Variants in POU1F1 observed in about 807,000 individuals in gnomAD.
POU1F1 encodes the protein POU class 1 homeobox 1, also known as pituitary-specific positive transcription factor 1.
Under a neutral mutation model 32.3 loss-of-function variants are expected in POU1F1, and 23 were observed. The observed-to-expected ratio is 0.71, with a 90% CI of 0.51 to 1.01. POU1F1 has a LOEUF of 1.01. POU1F1 is among the 50% of genes least tolerant of loss of function. POU1F1 has a pLI of 0.00. For synonymous variants in POU1F1, 120 were observed against 115.6 expected (o/e 1.04, Z -0.25); for missense variants, 323 against 341.6 (o/e 0.95, Z 0.43).
chr3:87,264,025 A>G (rs1706564547), intron 3 of POU1F1, among the ~76,000 whole-genome samples: 1 of 152,026 alleles, frequency 6.6e-6, no homozygotes, highest in Non-Finnish European at 1.5e-5. Flanking sequence ...CAAATAAAAT[A>G]TAGATAAAAA....
chr3:87,269,766 T>G (rs1218956706), intron 2 of POU1F1, among the ~76,000 whole-genome samples: 1 of 152,046 alleles, frequency 6.6e-6, no homozygotes, highest in Non-Finnish European at 1.5e-5. Flanking sequence ...AGTTTGGGAC[T>G]TAAACAAGTT....
intron 2 of POU1F1, among the ~76,000 whole-genome samples, chr3:87,265,634 A>G (rs1706605078): frequency 6.6e-6 from 1 of 152,080 alleles, no homozygotes. Context: ...TGAATTAAAT[A>G]CACTTAAAAA....
chr3:87,260,178 AG>A (rs1706483421), intron 5 of POU1F1, 74 bp from the exon 6 acceptor site: 1 of 1,180,130 alleles, frequency 8.5e-7, no homozygotes, highest in African/African-American at 1.5e-5. Flanking sequence ...AAATTAAGGT[AG>A]GTTGAATTTC....
rs1282855883 is a variant in POU1F1, at chr3:87,261,262, A to G, written c.665+11T>C. 6 of 1,549,312 alleles carry G rather than the reference A, an allele frequency of 3.9e-6. No individual in the cohort carries two copies. The highest frequency in any genetic ancestry group is 4.4e-6 in the Non-Finnish European group (5 of 1,131,648). On this transcript the variant is annotated intron_variant, in intron 5 of 5. Transcript: ENST00000350375. ...GTTTTGTCCTCTAGTAACTTTTAAT[A>G]TAAAGAATACCTTATAGTTGTTCTT...
Position 87,276,289 on chromosome 3 carries a change from GGTCATATGTAAACT to G in POU1F1, c.142+18_142+31del. On this transcript the variant is annotated intron_variant, in intron 1 of 5. Coordinates refer to ENST00000350375, the MANE Select transcript of POU1F1 (RefSeq NM_000306.4). ...CATTCATTCTGAAATATTTAGGCCC[GGTCATATGTAAACT>G]GTCATAGGAGTCAGTACCTGTAGAC... is the stretch of plus-strand genomic sequence containing the variant. 1 of 1,607,656 alleles carries G rather than the reference GGTCATATGTAAACT, an allele frequency of 6.2e-7. No homozygotes were observed. The highest frequency in any genetic ancestry group is 1.1e-5 in the South Asian group (1 of 90,964).
At chr3:87,264,193 T>A in intron 3 of POU1F1, 95 bp downstream of exon 3, 1 of 979,586 alleles carries the variant, frequency 1.0e-6, no homozygotes, top group South Asian at 1.3e-5. Flanking sequence ...AGAATGAGAA[T>A]CATCTTGTAC....
intron 1 of POU1F1, 24 bp from the exon 2 acceptor site, chr3:87,273,442 G>A (rs371295598): frequency 1.7e-5 from 27 of 1,611,496 alleles, no homozygotes; most frequent in Non-Finnish European, 2.2e-5. Context: ...CGTTGTCACC[G>A]AGAAATGTGT....
At chr3:87,273,576 A>C in intron 1 of POU1F1, 158 bp from the exon 2 acceptor site, 1 of 1,352,714 alleles carries the variant, frequency 7.4e-7, no homozygotes, top group Non-Finnish European at 1.0e-6. Context: ...TTAAAGTTAC[A>C]TGCCAATATG....
chr3:87,262,637 C>A (rs72563136), intron 3 of POU1F1, among the ~76,000 whole-genome samples: 1 of 151,750 alleles, frequency 6.6e-6, no homozygotes, highest in Non-Finnish European at 1.5e-5. Context: ...ATAAAATATA[C>A]GGTTATATAT....
intron 2 of POU1F1, among the ~76,000 whole-genome samples, chr3:87,272,092 A>G (rs1160366127): frequency 1.4e-5 from 2 of 147,498 alleles, no homozygotes; most frequent in African/African-American, 5.0e-5. Flanking sequence ...TTTTTTTTTT[A>G]CTGCTTATCT....
intron 1 of POU1F1, among the ~76,000 whole-genome samples, chr3:87,274,538 C>G (rs1003442355): frequency 1.3e-5 from 2 of 151,488 alleles, no homozygotes; most frequent in Admixed American, 1.3e-4. Context: ...AGAGAAAAAT[C>G]TTTAATTTTT....
In POU1F1 at chr3:87,260,090, T is replaced by C. The variant is rs1252479158; in HGVS notation, c.680A>G (p.Asp227Gly). ...RRTTISIAAKDALERHFGEQN... is the reference protein window; with the variant it reads ...RRTTISIAAKGALERHFGEQN... ...TTCTCCAAAGTGTCTCTCCAGAGCA[T>C]CTTTAGCAGCAATGCTGGCGGGGGG... The change falls in exon 6 of 6, where the codon GAT becomes GGT. Residue 227 changes from aspartate to glycine, a missense_variant. Physicochemically the swap from Asp to Gly is moderately conservative, Grantham distance 94 (BLOSUM62 -1). Transcript: ENST00000350375. 1 of 1,613,790 alleles carries C rather than the reference T, an allele frequency of 6.2e-7. No homozygotes were observed. The highest frequency in any genetic ancestry group is 1.3e-5 in the African/African-American group (1 of 75,010).
At chr3:87,273,836 CTT>C (rs1381996347) in intron 1 of POU1F1, among the ~76,000 whole-genome samples, 1 of 152,058 alleles carries the variant, frequency 6.6e-6, no homozygotes, top group African/African-American at 2.4e-5. Context: ...AAGAATAGTC[CTT>C]TAAAATTCTT....
At chr3:87,275,009 A>T (rs1706799827) in intron 1 of POU1F1, among the ~76,000 whole-genome samples, 1 of 151,946 alleles carries the variant, frequency 6.6e-6, no homozygotes, top group East Asian at 1.9e-4. Flanking sequence ...ATGCTGGCCA[A>T]ATTATCTTCA....
chr3:87,260,138 G>C, intron 5 of POU1F1, 34 bp from the exon 6 acceptor site: 1 of 1,570,958 alleles, frequency 6.4e-7, no homozygotes, highest in African/African-American at 1.4e-5. Flanking sequence ...GTGAAATTTT[G>C]TTGTTTTTAG....
At chr3:87,268,392 C>A (rs1706666752) in intron 2 of POU1F1, among the ~76,000 whole-genome samples, 1 of 152,050 alleles carries the variant, frequency 6.6e-6, no homozygotes, top group Non-Finnish European at 1.5e-5. Context: ...CAGTTGTGAG[C>A]CACTGCACCT....
At chr3:87,262,946 C>T (rs900324965) in intron 3 of POU1F1, among the ~76,000 whole-genome samples, 2 of 152,126 alleles carry the variant, frequency 1.3e-5, no homozygotes, top group African/African-American at 4.8e-5. Flanking sequence ...ATTCCTACTA[C>T]TGTGCTTATC....
intron 2 of POU1F1, among the ~76,000 whole-genome samples, chr3:87,270,151 T>C (rs1336632963): frequency 6.6e-6 from 1 of 152,086 alleles, no homozygotes; most frequent in East Asian, 1.9e-4. Context: ...TTCTCTAAGT[T>C]CTCAGGAGTG....
intron 3 of POU1F1, among the ~76,000 whole-genome samples, chr3:87,262,653 C>A (rs72563137): frequency 0.035 from 5,283 of 151,980 alleles, 140 homozygotes; most frequent in African/African-American, 0.07. Flanking sequence ...TATATCATAA[C>A]ATTCTTATTT....
Sources: gnomAD v4.1 joint callset for allele counts (sites outside exome capture counted in the v4.1 genomes callset) on GRCh38, gnomAD v4.1.1 for gene constraint, MANE v1.5 for transcripts, NCBI Gene and HGNC (gene_info 2026-07-23, HGNC 2026-07-21) for gene names.